The following STAG1 variants were observed in gnomAD, a reference collection of about 807,000 sequenced individuals.
STAG1 encodes STAG1 cohesin complex component, also known as cohesin subunit SA-1.
In STAG1, 26 loss-of-function variants were observed where a neutral mutation model predicts 170.9. The observed-to-expected ratio is 0.15, with a 90% CI of 0.11 to 0.21. The LOEUF is 0.21. Ranked by LOEUF, STAG1 falls within the 10% of genes least tolerant of loss-of-function variation. STAG1 has a pLI of 1.00. For missense variants in STAG1, 964 were observed against 1,509.5 expected, an observed-to-expected ratio of 0.64 and a Z score of 5.99; for synonymous variants, 514 against 497.7, an observed-to-expected ratio of 1.03 and a Z score of -0.44.
chr3:136,472,357 TG>T, intron 12 of STAG1, 55 bp downstream of exon 12: 3 of 1,312,224 alleles, frequency 2.3e-6, no homozygotes, highest in Non-Finnish European at 3.3e-6. Flanking sequence ...TTAAAAATCC[TG>T]GGGAAAAGGT....
chr3:136,521,559 T>C, intron 6 of STAG1, 142 bp from the exon 7 acceptor site: 1 of 627,868 alleles, frequency 1.6e-6, no homozygotes, highest in Non-Finnish European at 2.8e-6. Context: ...GCACATTTGA[T>C]TGCTTTATTT....
intron 4 of STAG1, among the ~76,000 whole-genome samples, chr3:136,598,731 C>T (rs1176631467): frequency 6.6e-6 from 1 of 152,004 alleles, no homozygotes; most frequent in Non-Finnish European, 1.5e-5. Flanking sequence ...CCGGCCAATA[C>T]AAACTTTTAA....
At chr3:136,389,455 G>A (rs187024001) in intron 22 of STAG1, among the ~76,000 whole-genome samples, 1 of 152,092 alleles carries the variant, frequency 6.6e-6, no homozygotes, top group Admixed American at 6.6e-5. Context: ...ACCACACTTG[G>A]CTAATTTTTT....
intron 1 of STAG1, among the ~76,000 whole-genome samples, chr3:136,740,823 TGGG>T (rs1424776802): frequency 6.6e-6 from 1 of 151,974 alleles, no homozygotes; most frequent in South Asian, 2.1e-4. Context: ...AACAAAGACG[TGGG>T]GAAAGACAGG....
intron 1 of STAG1, among the ~76,000 whole-genome samples, chr3:136,723,967 C>G (rs1472700369): frequency 2.0e-5 from 3 of 150,160 alleles, no homozygotes; most frequent in African/African-American, 7.3e-5. Flanking sequence ...CCGCCCCGAC[C>G]AGGAGGGAGG....
intron 1 of STAG1, among the ~76,000 whole-genome samples, chr3:136,710,681 G>A (rs1943359523): frequency 6.6e-6 from 1 of 151,216 alleles, no homozygotes; most frequent in South Asian, 2.1e-4. Context: ...TTGCCAAGAA[G>A]AAAAATCTAA....
chr3:136,342,182 G>T (rs771882907), intron 30 of STAG1, among the ~76,000 whole-genome samples: 6 of 151,846 alleles, frequency 4.0e-5, no homozygotes, highest in Non-Finnish European at 5.9e-5. Flanking sequence ...ACCACACCCA[G>T]CTAATTTTTT....
intron 9 of STAG1, among the ~76,000 whole-genome samples, chr3:136,488,159 G>A (rs1483373762): frequency 1.3e-5 from 2 of 152,234 alleles, no homozygotes; most frequent in Non-Finnish European, 2.9e-5. Flanking sequence ...GTCTCATTCT[G>A]TCACTCAGGT....
intron 1 of STAG1, among the ~76,000 whole-genome samples, chr3:136,751,473 G>C (rs1234439886): frequency 6.6e-6 from 1 of 151,844 alleles, no homozygotes; most frequent in Non-Finnish European, 1.5e-5. Flanking sequence ...TCGTCTCTCA[G>C]GGGACTGGCA....
intron 1 of STAG1, among the ~76,000 whole-genome samples, chr3:136,722,769 C>G (rs1933369117): frequency 6.6e-6 from 1 of 151,958 alleles, no homozygotes; most frequent in South Asian, 2.1e-4. Flanking sequence ...CTGCTGCCAT[C>G]TCGGCTCACT....
At chr3:136,353,681 C>T (rs780403323) in intron 28 of STAG1, among the ~76,000 whole-genome samples, 11 of 152,312 alleles carry the variant, frequency 7.2e-5, no homozygotes, top group Non-Finnish European at 1.5e-4. Flanking sequence ...GCTGGGTTTA[C>T]AGGCATAAGC....
intron 6 of STAG1, among the ~76,000 whole-genome samples, chr3:136,535,329 G>T (rs1055271824): frequency 6.6e-6 from 1 of 152,092 alleles, no homozygotes; most frequent in Admixed American, 6.6e-5. Flanking sequence ...AGCAGGCTTG[G>T]GTGACTACAG....
At chr3:136,530,290 T>C (rs1935307588) in intron 6 of STAG1, among the ~76,000 whole-genome samples, 2 of 152,190 alleles carry the variant, frequency 1.3e-5, no homozygotes, top group Non-Finnish European at 2.9e-5. Context: ...CTTCAACACC[T>C]CACTCTCAGC....
chr3:136,396,051 C>T (rs985586981), intron 22 of STAG1, among the ~76,000 whole-genome samples: 29 of 152,022 alleles, frequency 1.9e-4, no homozygotes, highest in South Asian at 4.1e-4. Context: ...TACAGATGTG[C>T]GCCATGATGC....
chr3:136,567,075 T>A (rs1332586481), intron 5 of STAG1, among the ~76,000 whole-genome samples: 1 of 152,204 alleles, frequency 6.6e-6, no homozygotes, highest in Non-Finnish European at 1.5e-5. Context: ...TAACTATGTG[T>A]AGATGGATGG....
intron 1 of STAG1, among the ~76,000 whole-genome samples, chr3:136,649,651 C>T (rs1034815841): frequency 3.3e-5 from 5 of 151,534 alleles, no homozygotes; most frequent in African/African-American, 7.3e-5. Flanking sequence ...TGCAGTGGCT[C>T]GTGCCTGTAA....
chr3:136,527,623 G>C (rs755929537), intron 6 of STAG1, among the ~76,000 whole-genome samples: 5 of 152,116 alleles, frequency 3.3e-5, no homozygotes, highest in Non-Finnish European at 5.9e-5. Flanking sequence ...TTCCGTTACT[G>C]ACGAGGAGCT....
chr3:136,469,667 G>C (rs939130557), intron 12 of STAG1, among the ~76,000 whole-genome samples: 38 of 152,296 alleles, frequency 2.5e-4, no homozygotes, highest in African/African-American at 8.4e-4. Context: ...AAAAGAGCTT[G>C]CATTGCCAAG....
At chr3:136,732,457 A>C (rs1356713314) in intron 1 of STAG1, among the ~76,000 whole-genome samples, 1 of 152,180 alleles carries the variant, frequency 6.6e-6, no homozygotes, top group African/African-American at 2.4e-5. Context: ...ACTACCAAAG[A>C]AGCATTACAA....
Sources: gnomAD v4.1 joint callset for allele counts (sites outside exome capture counted in the v4.1 genomes callset) on GRCh38, gnomAD v4.1.1 for gene constraint, MANE v1.5 for transcripts, NCBI Gene and HGNC (gene_info 2026-07-23, HGNC 2026-07-21) for gene names.